Variants in HECW1 observed in about 807,000 individuals in gnomAD.
HECW1 encodes E3 ubiquitin-protein ligase HECW1.
Under a neutral mutation model 182.3 loss-of-function variants are expected in HECW1, and 61 were observed. The ratio of observed to expected loss-of-function variants is 0.33; its 90% CI spans 0.27 to 0.41. The LOEUF is 0.41. HECW1 is among the 10% of genes least tolerant of loss of function. The pLI is 1.00. For missense variants in HECW1, 1,739 were observed against 2,108.9 expected (o/e 0.82, Z 3.44); for synonymous variants, 859 against 832.6 (o/e 1.03, Z -0.55).
At chr7:43,506,589 G>A (rs895022207) in intron 21 of HECW1, among the ~76,000 whole-genome samples, 5 of 152,182 alleles carry the variant, frequency 3.3e-5, no homozygotes, top group Non-Finnish European at 7.3e-5. Context: ...ATGCCAGAAT[G>A]TGCCTCTGTT....
chr7:43,260,280 A>G (rs1801027060), intron 3 of HECW1, among the ~76,000 whole-genome samples: 3 of 152,206 alleles, frequency 2.0e-5, no homozygotes, highest in Non-Finnish European at 4.4e-5. Context: ...AACTATCTGA[A>G]CTAAGATCAG....
chr7:43,145,694 G>A (rs1290254452), intron 2 of HECW1, among the ~76,000 whole-genome samples: 1 of 152,144 alleles, frequency 6.6e-6, no homozygotes, highest in Non-Finnish European at 1.5e-5. Flanking sequence ...CTCATGTATT[G>A]CCACAAGAGA....
chr7:43,361,738 T>C (rs1213706891), intron 6 of HECW1, among the ~76,000 whole-genome samples: 1 of 151,624 alleles, frequency 6.6e-6, no homozygotes, highest in African/African-American at 2.4e-5. Context: ...ACATAAATTT[T>C]AAATGACCAA....
intron 6 of HECW1, among the ~76,000 whole-genome samples, chr7:43,375,998 T>C (rs1302166605): frequency 6.7e-6 from 1 of 149,960 alleles, no homozygotes; most frequent in Non-Finnish European, 1.5e-5. Context: ...GAGGTGCATA[T>C]ATATAATCAT....
chr7:43,352,020 C>G lies in HECW1; in HGVS notation c.461-8866C>G, dbSNP rs576977809. Among the ~76,000 whole-genome samples the G allele has an allele frequency of 2.6e-5, 4 of 152,302 alleles. No individual in the cohort carries two copies. In the East Asian group the frequency reaches 7.7e-4, roughly 29 times the overall value. On this transcript the variant is annotated intron_variant, in intron 5 of 29. Coordinates refer to ENST00000395891, the MANE Select transcript of HECW1 (RefSeq NM_015052.5). The stretch of plus-strand genomic sequence containing the variant: ...GATTTTTAAGTTTTATCCCCTTAAC[C>G]CGGCAAACCTGTCAAATATTCTTTT...
intron 24 of HECW1, among the ~76,000 whole-genome samples, chr7:43,539,222 T>C (rs2081280031): frequency 1.3e-5 from 2 of 152,220 alleles, no homozygotes; most frequent in African/African-American, 4.8e-5. Flanking sequence ...CTAGTTTTCT[T>C]TCTTGTTGTA....
intron 3 of HECW1, among the ~76,000 whole-genome samples, chr7:43,265,672 A>C (rs1203946537): frequency 6.6e-6 from 1 of 152,162 alleles, no homozygotes; most frequent in African/African-American, 2.4e-5. Flanking sequence ...CAACAATTCA[A>C]ATCAATTCTG....
chr7:43,334,769 G>A (rs898266359), intron 5 of HECW1, among the ~76,000 whole-genome samples: 1 of 152,152 alleles, frequency 6.6e-6, no homozygotes, highest in Non-Finnish European at 1.5e-5. Flanking sequence ...ACCTTAGAGG[G>A]GAGAAATTGT....
chr7:43,526,545 C>T (rs2080762543), intron 24 of HECW1, among the ~76,000 whole-genome samples: 2 of 152,142 alleles, frequency 1.3e-5, no homozygotes, highest in African/African-American at 4.8e-5. Context: ...TTGGTTAATG[C>T]ATCACAGGTA....
intron 7 of HECW1, 40 bp from the exon 8 acceptor site, chr7:43,407,522 C>T (rs1428356201): frequency 6.6e-7 from 1 of 1,513,442 alleles, no homozygotes; most frequent in Admixed American, 1.8e-5. Flanking sequence ...CGTTAACCTC[C>T]CTAAAACATA....
intron 3 of HECW1, among the ~76,000 whole-genome samples, chr7:43,291,006 A>G (rs1805329252): frequency 6.6e-6 from 1 of 152,246 alleles, no homozygotes; most frequent in Non-Finnish European, 1.5e-5. Context: ...ACCATTGCCA[A>G]GAGAACCCCA....
rs1814894544 is a variant in HECW1, at chr7:43,354,724, G to A, written c.461-6162G>A. On this transcript the variant is annotated intron_variant, in intron 5 of 29. Transcript: ENST00000395891. Reference sequence around the variant, plus strand: ...GGTGTTCAAAAGGAATTGAGCAACAGCAAGGAGAAAATTTATTCAAAGAAA... The same window carrying A: ...GGTGTTCAAAAGGAATTGAGCAACAACAAGGAGAAAATTTATTCAAAGAAA... Among the ~76,000 whole-genome samples, 3 of 152,116 alleles carry A rather than the reference G, an allele frequency of 2.0e-5. No individual in the cohort carries two copies. The South Asian group carries it at 6.2e-4, about 31-fold the overall frequency.
intron 3 of HECW1, among the ~76,000 whole-genome samples, chr7:43,262,693 A>G (rs1224989003): frequency 6.6e-6 from 1 of 152,260 alleles, no homozygotes; most frequent in Non-Finnish European, 1.5e-5. Context: ...TATTAAAAAT[A>G]ATAACTTTAC....
chr7:43,283,267 TTCACTC>T (rs57234163), intron 3 of HECW1, among the ~76,000 whole-genome samples: 53,786 of 151,588 alleles, frequency 0.35, 12,941 homozygotes, highest in African/African-American at 0.69. Flanking sequence ...ATTTGACCTT[TTCACTC>T]TCATTATCTC....
intron 5 of HECW1, among the ~76,000 whole-genome samples, chr7:43,359,565 G>A (rs1011283651): frequency 2.5e-4 from 38 of 152,162 alleles, no homozygotes; most frequent in African/African-American, 8.4e-4. Flanking sequence ...AGTTGGCCAT[G>A]CTTATTTCAT....
intron 8 of HECW1, among the ~76,000 whole-genome samples, chr7:43,416,648 T>C (rs1189296165): frequency 6.7e-6 from 1 of 148,314 alleles, no homozygotes; most frequent in Non-Finnish European, 1.5e-5. Flanking sequence ...CCTTGCAGTT[T>C]GATCTCAGAC....
intron 4 of HECW1, among the ~76,000 whole-genome samples, chr7:43,320,015 A>C (rs1165956665): frequency 2.0e-5 from 3 of 151,972 alleles, no homozygotes; most frequent in African/African-American, 7.3e-5. Context: ...TTCAGAAGAG[A>C]CCATACTGGT....
intron 2 of HECW1, among the ~76,000 whole-genome samples, chr7:43,124,118 A>C (rs1489568862): frequency 6.6e-6 from 1 of 152,166 alleles, no homozygotes; most frequent in Non-Finnish European, 1.5e-5. Flanking sequence ...TCAAGTGTTC[A>C]TTTGTGTCTA....
At chr7:43,291,453 G>A (rs1408505378) in intron 3 of HECW1, among the ~76,000 whole-genome samples, 1 of 152,206 alleles carries the variant, frequency 6.6e-6, no homozygotes, top group Non-Finnish European at 1.5e-5. Context: ...AAGCTGGAAC[G>A]TTCCTGTGAG....
Sources: gnomAD v4.1 joint callset for allele counts (sites outside exome capture counted in the v4.1 genomes callset) on GRCh38, gnomAD v4.1.1 for gene constraint, MANE v1.5 for transcripts, NCBI Gene and HGNC (gene_info 2026-07-23, HGNC 2026-07-21) for gene names.